The following CTNNBL1 variants were observed in gnomAD, a reference collection of about 807,000 sequenced individuals.
The protein encoded by CTNNBL1 is beta-catenin-like protein 1.
In CTNNBL1, 31 loss-of-function variants were observed where a neutral mutation model predicts 72.7. That is an observed-to-expected ratio of 0.43 (90% CI 0.32 to 0.58). The LOEUF is 0.58. Ranked by LOEUF, CTNNBL1 falls within the 20% of genes least tolerant of loss-of-function variation. CTNNBL1 has a pLI of 0.08. For missense variants in CTNNBL1, 534 were observed against 725.1 expected, an observed-to-expected ratio of 0.74 and a Z score of 3.03; for synonymous variants, 240 against 267.3, an observed-to-expected ratio of 0.90 and a Z score of 1.00.
intron 7 of CTNNBL1, among the ~76,000 whole-genome samples, chr20:37,768,936 G>A (rs1235252682): frequency 2.0e-5 from 3 of 151,974 alleles, no homozygotes; most frequent in Non-Finnish European, 4.4e-5. Context: ...GCGCCACCAC[G>A]CCTGGCTAAT....
Position 37,694,121 on chromosome 20 carries a change from C to T in CTNNBL1, c.-2C>T, listed in dbSNP as rs1244741261. On this transcript the variant is annotated 5_prime_UTR_variant, in exon 1 of 16. Coordinates refer to ENST00000361383, the MANE Select transcript of CTNNBL1 (RefSeq NM_030877.5). ...AGTGGAGTATTTGCTGGGCCGGGTA[C>T]CATGGACGTGGGCGAACTTCTGAGC... 11 of 1,603,182 alleles carry T rather than the reference C, an allele frequency of 6.9e-6. No homozygotes were observed. The highest frequency in any genetic ancestry group is 5.6e-5 in the South Asian group (5 of 89,960).
Position 37,867,749 on chromosome 20 carries a change from C to T in CTNNBL1, c.1604-4176C>T, listed in dbSNP as rs189335441. 5.0e-3 allele frequency among the ~76,000 whole-genome samples: 768 copies of T among 152,210 alleles called. 7 individuals are homozygous for T. Among genetic ancestry groups the T allele is most frequent in the African/African-American group, 0.018 (742 of 41,512 alleles). ...CACATGCAGCAGAGAGAACTCTTTCCCAAGACCTCTGGGAGGACTCTGTTC... is the reference window on the plus strand; with the variant it reads ...CACATGCAGCAGAGAGAACTCTTTCTCAAGACCTCTGGGAGGACTCTGTTC... On this transcript the variant is annotated intron_variant, in intron 15 of 15. Coordinates refer to ENST00000361383, the MANE Select transcript of CTNNBL1 (RefSeq NM_030877.5).
chr20:37,818,410 G>T (rs538851175), intron 11 of CTNNBL1, among the ~76,000 whole-genome samples: 1 of 152,292 alleles, frequency 6.6e-6, no homozygotes, highest in Admixed American at 6.5e-5. Flanking sequence ...TTCCCAAGTG[G>T]ACAAGAAACA....
At chr20:37,804,221 A>G (rs1269911426) in intron 11 of CTNNBL1, among the ~76,000 whole-genome samples, 2 of 152,144 alleles carry the variant, frequency 1.3e-5, no homozygotes, top group Non-Finnish European at 2.9e-5. Flanking sequence ...CCCGTGCTAG[A>G]TTTTCCCCAC....
intron 1 of CTNNBL1, among the ~76,000 whole-genome samples, chr20:37,703,776 G>C (rs1455926817): frequency 6.6e-6 from 1 of 151,300 alleles, no homozygotes; most frequent in African/African-American, 2.4e-5. Flanking sequence ...TGAAAGACAA[G>C]GTTCTTTACT....
At position 37,842,380 on chromosome 20, in the gene CTNNBL1, A is replaced by G. The variant is rs147450818; in HGVS notation, c.1353A>G (p.Ala451=). 4.7e-4 allele frequency: 752 copies of G among 1,613,986 alleles called. No individual in the cohort carries two copies. Among genetic ancestry groups the G allele is most frequent in the Middle Eastern group, 1.3e-3 (8 of 6,062 alleles). ...AGTTGCATTTTAAATATCTGGGTGC[A>G]ATGCAGGTGGCGGACAAGAAGATTG... ...LMELHFKYLG[A]MQVADKKIEG... Residue 451 remains alanine (A), a synonymous_variant, in exon 13 of 16, where the codon GCA becomes GCG. Transcript: ENST00000361383.
chr20:37,872,109 A>G lies in CTNNBL1; in HGVS notation c.*96A>G. ...TGTGGCTTTTGGACAAATTAAAGCT[A>G]GTTTTGGTATCCCCGGGCCAGTTTT... On this transcript the variant is annotated 3_prime_UTR_variant, in exon 16 of 16. Transcript: ENST00000361383. The G allele has an allele frequency of 2.6e-6, 3 of 1,145,580 alleles. No homozygotes were observed. The South Asian group carries it at 3.8e-5, about 15-fold the overall frequency. The allele number at this position is 1,145,580 out of a possible 1,614,324, so 71.0% of individuals were successfully genotyped here.
intron 13 of CTNNBL1, among the ~76,000 whole-genome samples, chr20:37,846,100 GA>G (rs750409173): frequency 6.6e-6 from 1 of 152,222 alleles, no homozygotes; most frequent in Non-Finnish European, 1.5e-5. Context: ...GCCAAGAAAA[GA>G]ATGGGCCTAG....
Position 37,794,074 on chromosome 20 carries a change from C to T in CTNNBL1, c.1032-8793C>T, listed in dbSNP as rs1422772080. Among the ~76,000 whole-genome samples the T allele has an allele frequency of 4.0e-5, 6 of 151,878 alleles. No individual in the cohort carries two copies. In the South Asian group the frequency reaches 8.3e-4, roughly 21 times the overall value. ...GATTATAGGCATGAGCCACCGCACC[C>T]GGCCAAGTGGTCAGTTATCTTTTTA... On this transcript the variant is annotated intron_variant, in intron 10 of 15. Transcript: ENST00000361383.
At chr20:37,811,619 C>T (rs775355847) in intron 11 of CTNNBL1, among the ~76,000 whole-genome samples, 12 of 152,134 alleles carry the variant, frequency 7.9e-5, no homozygotes, top group Non-Finnish European at 1.5e-4. Context: ...TTGAGTGGTG[C>T]ACATCTGGTT....
intron 13 of CTNNBL1, among the ~76,000 whole-genome samples, chr20:37,848,817 C>G (rs1165329955): frequency 6.6e-6 from 1 of 151,810 alleles, no homozygotes; most frequent in Non-Finnish European, 1.5e-5. Flanking sequence ...AGCTCATAGG[C>G]TGGTTGCAAG....
chr20:37,783,243 TA>T (rs1432554131), intron 10 of CTNNBL1, among the ~76,000 whole-genome samples: 5 of 152,308 alleles, frequency 3.3e-5, no homozygotes, highest in African/African-American at 7.2e-5. Context: ...GGTTTTTATT[TA>T]TTTGATCCTC....
At position 37,767,993 on chromosome 20, in the gene CTNNBL1, T is replaced by A; in HGVS notation, c.699T>A (p.Cys233Ter). The change falls in exon 7 of 16, where the codon TGT (cysteine) becomes TGA (stop). Residue 233 changes from cysteine (C) to a stop codon, truncating the protein, a stop_gained. Coordinates refer to ENST00000361383, the MANE Select transcript of CTNNBL1 (RefSeq NM_030877.5). LOFTEE classifies it high-confidence loss of function. ...TGGCTGAGTTCCGGCCTGAGATGTG[T>A]ACAGAGGGTGCCCAGCAGGGTCTTC... ...ENMAEFRPEM[C>*]TEGAQQGLLQ... 1 of 1,614,044 alleles carries A rather than the reference T, an allele frequency of 6.2e-7. No individual in the cohort carries two copies. Among genetic ancestry groups the A allele is most frequent in the Non-Finnish European group, 8.5e-7 (1 of 1,179,950 alleles).
intron 15 of CTNNBL1, among the ~76,000 whole-genome samples, chr20:37,863,793 A>T (rs965163766): frequency 1.3e-5 from 2 of 152,154 alleles, no homozygotes; most frequent in African/African-American, 2.4e-5. Flanking sequence ...ATTTGAGGTC[A>T]TCAGTGTGGA....
At chr20:37,785,395 T>G (rs1220020135) in intron 10 of CTNNBL1, among the ~76,000 whole-genome samples, 1 of 152,238 alleles carries the variant, frequency 6.6e-6, no homozygotes, top group Admixed American at 6.5e-5. Flanking sequence ...CCAGTAACTA[T>G]TTGATTTGCC....
chr20:37,727,040 T>C (rs972671334), intron 1 of CTNNBL1, among the ~76,000 whole-genome samples: 3 of 152,182 alleles, frequency 2.0e-5, no homozygotes, highest in Non-Finnish European at 4.4e-5. Context: ...AGTGGAGTTT[T>C]AATTTAGGAT....
At position 37,816,642 on chromosome 20, in the gene CTNNBL1, C is replaced by T. The variant is rs927380226; in HGVS notation, c.1213+13594C>T. On this transcript the variant is annotated intron_variant, in intron 11 of 15. Transcript: ENST00000361383. ...TGTGTATTACATTCATTGTTTTTCC[C>T]GTCTCTTCTACATTTCTTATACTTT... Among the ~76,000 whole-genome samples, 34 of 152,144 alleles carry T rather than the reference C, an allele frequency of 2.2e-4. 1 individual carries two copies. Among genetic ancestry groups the T allele is most frequent in the Admixed American group, 1.2e-3 (18 of 15,280 alleles).
At chr20:37,856,720 C>G (rs1376061023) in intron 13 of CTNNBL1, among the ~76,000 whole-genome samples, 1 of 152,156 alleles carries the variant, frequency 6.6e-6, no homozygotes, top group Non-Finnish European at 1.5e-5. Context: ...CCAGGACGCC[C>G]TTACATTTCA....
chr20:37,798,651 C>T (rs2073799203), intron 10 of CTNNBL1, among the ~76,000 whole-genome samples: 1 of 152,130 alleles, frequency 6.6e-6, no homozygotes, highest in South Asian at 2.1e-4. Context: ...CACTGCCTAC[C>T]TCAAGAAGGA....
Sources: allele counts gnomAD v4.1 joint callset (sites outside exome capture counted in the v4.1 genomes callset), GRCh38; gene constraint gnomAD v4.1.1; transcripts MANE v1.5; gene names NCBI Gene and HGNC (gene_info 2026-07-23, HGNC 2026-07-21).